CNTN3: variants seen among roughly 807,000 people sequenced by gnomAD.
The protein encoded by CNTN3 is contactin 3.
CNTN3 carries 60 observed loss-of-function variants against 119.1 expected under a neutral mutation model. That is an observed-to-expected ratio of 0.50 (90% CI 0.41 to 0.62). CNTN3 has a LOEUF of 0.62. Ranked by LOEUF, CNTN3 falls within the 20% of genes least tolerant of loss-of-function variation. CNTN3 has a pLI of 0.00. For synonymous variants in CNTN3, 450 were observed against 438.7 expected, an observed-to-expected ratio of 1.03 and a Z score of -0.32; for missense variants, 1,101 against 1,242.4, an observed-to-expected ratio of 0.89 and a Z score of 1.71.
At chr3:74,369,561 A>G (rs188928502) in intron 7 of CNTN3, among the ~76,000 whole-genome samples, 188 bp from the exon 8 acceptor site, 6 of 152,180 alleles carry the variant, frequency 3.9e-5, no homozygotes, top group Admixed American at 3.3e-4. Flanking sequence ...TTAATAAAAT[A>G]AACTGCATTT....
Position 74,546,984 on chromosome 3 carries a change from C to T in CNTN3, c.-80-25792G>A, listed in dbSNP as rs115507021. 2.9e-3 allele frequency among the ~76,000 whole-genome samples: 434 copies of T among 152,236 alleles called. 2 individuals carry two copies. The highest frequency in any genetic ancestry group is 9.9e-3 in the African/African-American group (413 of 41,546). The stretch of plus-strand genomic sequence containing the variant: ...GCAAAATTAACTTTTTATTTTATGA[C>T]TTATGTTCTCCACTTCACTCATGCT... On this transcript the variant is annotated intron_variant, in intron 1 of 22. Coordinates refer to ENST00000263665, the MANE Select transcript of CNTN3 (RefSeq NM_020872.3).
chr3:74,393,093 G>A (rs1026542676), intron 5 of CNTN3, among the ~76,000 whole-genome samples: 1 of 152,120 alleles, frequency 6.6e-6, no homozygotes. Flanking sequence ...TCCATGAAGT[G>A]CATCTGCCAT....
chr3:74,528,144 G>C (rs1010891361), intron 1 of CNTN3, among the ~76,000 whole-genome samples: 3 of 151,664 alleles, frequency 2.0e-5, no homozygotes, highest in African/African-American at 7.3e-5. Context: ...AATGAACAAA[G>C]ACAAATTTAA....
chr3:74,300,049 T>C, intron 16 of CNTN3, 111 bp from the exon 17 acceptor site: 1 of 576,310 alleles, frequency 1.7e-6, no homozygotes, highest in African/African-American at 1.9e-5. Context: ...CATTGGCACA[T>C]GATTCATACA....
chr3:74,343,253 G>T lies in CNTN3; in HGVS notation c.1365-6595C>A, dbSNP rs528325626. ...GACCACCTCAGGCCCTCCCCATAAG[G>T]GCAAGCCCCATTATTGCGTGGTAAA... On this transcript the variant is annotated intron_variant, in intron 11 of 22. Transcript: ENST00000263665. Among the ~76,000 whole-genome samples the T allele has an allele frequency of 7.2e-5, 11 of 152,276 alleles. No individual in the cohort carries two copies. The East Asian group carries it at 2.1e-3, about 29-fold the overall frequency.
intron 13 of CNTN3, among the ~76,000 whole-genome samples, chr3:74,330,842 A>G (rs1364500974): frequency 1.3e-5 from 2 of 151,914 alleles, no homozygotes; most frequent in Non-Finnish European, 2.9e-5. Context: ...AAATGTTCAA[A>G]ATGAAAAAAA....
In CNTN3 at chr3:74,390,566, G is replaced by A. The variant is rs148528122; in HGVS notation, c.455-19167C>T. On this transcript the variant is annotated intron_variant, in intron 5 of 22. Coordinates refer to ENST00000263665, the MANE Select transcript of CNTN3 (RefSeq NM_020872.3). Reference sequence around the variant, plus strand: ...ACACTCTGAGAGGTAGGCATGGGAAGGGAAAGCAGAAGTCACAGAAGGTAA... The same window carrying A: ...ACACTCTGAGAGGTAGGCATGGGAAAGGAAAGCAGAAGTCACAGAAGGTAA... Among the ~76,000 whole-genome samples the A allele has an allele frequency of 4.8e-3, 723 of 152,188 alleles. 12 individuals carry two copies. Among genetic ancestry groups the A allele is most frequent in the African/African-American group, 0.017 (687 of 41,514 alleles).
rs1051428512 is a variant in CNTN3, at chr3:74,513,206, A to T, written c.55+7852T>A. On this transcript the variant is annotated intron_variant, in intron 2 of 22. Coordinates refer to ENST00000263665, the MANE Select transcript of CNTN3 (RefSeq NM_020872.3). ...GATGTTGCCATGAACAAAGTAAAAA[A>T]GGAAAAGACTATTCCCAGGATTCAC... 1.6e-4 allele frequency among the ~76,000 whole-genome samples: 25 copies of T among 152,162 alleles called. 1 individual carries two copies. Among genetic ancestry groups the T allele is most frequent in the African/African-American group, 5.5e-4 (23 of 41,450 alleles).
intron 1 of CNTN3, among the ~76,000 whole-genome samples, chr3:74,600,808 C>T (rs1457037403): frequency 6.6e-6 from 1 of 152,004 alleles, no homozygotes; most frequent in Non-Finnish European, 1.5e-5. Context: ...AAGAGCATGC[C>T]AGGCCAGATT....
At chr3:74,520,167 T>C (rs1703519324) in intron 2 of CNTN3, among the ~76,000 whole-genome samples, 1 of 149,036 alleles carries the variant, frequency 6.7e-6, no homozygotes, top group Non-Finnish European at 1.5e-5. Flanking sequence ...AGGAGATGAG[T>C]ATTAAATTTT....
chr3:74,398,738 A>G (rs1305233283), intron 5 of CNTN3, among the ~76,000 whole-genome samples: 1 of 152,226 alleles, frequency 6.6e-6, no homozygotes, highest in Admixed American at 6.5e-5. Flanking sequence ...AAGTCATACT[A>G]TTAGCCAGGC....
chr3:74,272,230 A>G (rs1347766333), intron 20 of CNTN3, among the ~76,000 whole-genome samples: 1 of 152,156 alleles, frequency 6.6e-6, no homozygotes, highest in Non-Finnish European at 1.5e-5. Flanking sequence ...AAGTTTATGA[A>G]TTTGTGTTGG....
intron 20 of CNTN3, among the ~76,000 whole-genome samples, chr3:74,278,030 A>G (rs1701916088): frequency 7.9e-6 from 1 of 126,254 alleles, no homozygotes; most frequent in South Asian, 3.2e-4. Context: ...TGCCAAAAAA[A>G]AAAAACCACT....
At chr3:74,524,192 A>T (rs1297294929) in intron 1 of CNTN3, among the ~76,000 whole-genome samples, 1 of 151,934 alleles carries the variant, frequency 6.6e-6, no homozygotes, top group Non-Finnish European at 1.5e-5. Flanking sequence ...TTACATTTAA[A>T]ACATATAAAT....
chr3:74,550,845 G>A (rs1703979711), intron 1 of CNTN3, among the ~76,000 whole-genome samples: 1 of 152,164 alleles, frequency 6.6e-6, no homozygotes, highest in Non-Finnish European at 1.5e-5. Flanking sequence ...CCGGCCAGCA[G>A]CCAGCTTTTA....
At chr3:74,319,613 C>T (rs2106666876) in intron 13 of CNTN3, among the ~76,000 whole-genome samples, 1 of 151,974 alleles carries the variant, frequency 6.6e-6, no homozygotes, top group Non-Finnish European at 1.5e-5. Flanking sequence ...TGGGCAAGGA[C>T]TTCATGTCTA....
At chr3:74,274,093 T>A (rs1300017401) in intron 20 of CNTN3, among the ~76,000 whole-genome samples, 1 of 152,050 alleles carries the variant, frequency 6.6e-6, no homozygotes, top group African/African-American at 2.4e-5. Flanking sequence ...ATAATCCTCC[T>A]AGGTACATAA....
Position 74,454,435 on chromosome 3 carries a change from A to G in CNTN3, c.359-29495T>C, listed in dbSNP as rs748206177. On this transcript the variant is annotated intron_variant, in intron 4 of 22. Coordinates refer to ENST00000263665, the MANE Select transcript of CNTN3 (RefSeq NM_020872.3). Reference sequence around the variant, plus strand: ...CACGTGAGATGGGTTTCCTGAATACAACACACTGATGGGTCTTGACTCTTT... The same window carrying G: ...CACGTGAGATGGGTTTCCTGAATACGACACACTGATGGGTCTTGACTCTTT... Among the ~76,000 whole-genome samples the G allele has an allele frequency of 6.2e-3, 945 of 151,706 alleles. 8 individuals are homozygous for G. The highest frequency in any genetic ancestry group is 7.3e-3 in the Non-Finnish European group (499 of 67,906).
chr3:74,449,604 G>A (rs1290983845), intron 4 of CNTN3, among the ~76,000 whole-genome samples: 2 of 152,058 alleles, frequency 1.3e-5, no homozygotes, highest in African/African-American at 4.8e-5. Context: ...TCAGACCAGT[G>A]ATCTGAGGAC....
Sources: gnomAD v4.1 joint callset for allele counts (sites outside exome capture counted in the v4.1 genomes callset) on GRCh38, gnomAD v4.1.1 for gene constraint, MANE v1.5 for transcripts, NCBI Gene and HGNC (gene_info 2026-07-23, HGNC 2026-07-21) for gene names.